INSIG2: variants seen among roughly 807,000 people sequenced by gnomAD.
INSIG2 encodes the protein insulin induced gene 2.
In INSIG2, 10 loss-of-function variants were observed where a neutral mutation model predicts 27.2. The observed-to-expected ratio is 0.37, with a 90% CI of 0.23 to 0.62. INSIG2 has a LOEUF of 0.62. INSIG2 is among the 20% of genes least tolerant of loss of function. The pLI is 0.65. For missense variants in INSIG2, 178 were observed against 270.2 expected, an observed-to-expected ratio of 0.66 and a Z score of 2.39; for synonymous variants, 97 against 95.8, an observed-to-expected ratio of 1.01 and a Z score of -0.07.
chr2:118,093,816 T>G, intron 1 of INSIG2, among the ~76,000 whole-genome samples: 1 of 118,652 alleles, frequency 8.4e-6, no homozygotes, highest in Non-Finnish European at 1.7e-5. Flanking sequence ...GAAGGAGAGT[T>G]CTGTAGCTAC....
chr2:118,106,065 A>G (rs1312809538), intron 3 of INSIG2, among the ~76,000 whole-genome samples: 1 of 152,226 alleles, frequency 6.6e-6, no homozygotes, highest in Non-Finnish European at 1.5e-5. Flanking sequence ...GTCCTATACC[A>G]GAAAGTCTCA....
chr2:118,091,067 C>T (rs1249534318), intron 1 of INSIG2, among the ~76,000 whole-genome samples: 2 of 152,084 alleles, frequency 1.3e-5, no homozygotes, highest in Non-Finnish European at 2.9e-5. Context: ...AATTTTGGAG[C>T]ATCAAGTTTA....
chr2:118,091,584 C>A (rs1238809096), intron 1 of INSIG2, among the ~76,000 whole-genome samples: 1 of 152,098 alleles, frequency 6.6e-6, no homozygotes, highest in Non-Finnish European at 1.5e-5. Context: ...GGGTCTCATA[C>A]CCCTTGGAAT....
At chr2:118,094,389 G>GATGAT (rs58844046) in intron 1 of INSIG2, among the ~76,000 whole-genome samples, 97 of 148,150 alleles carry the variant, frequency 6.5e-4, no homozygotes, top group Middle Eastern at 3.5e-3. Flanking sequence ...TGATGATGAT[G>GATGAT]GAGAGTTCTG....
chr2:118,110,036 C>T lies in INSIG2; in HGVS notation c.*1714C>T, dbSNP rs1324549913. On this transcript the variant is annotated 3_prime_UTR_variant, in exon 6 of 6. Coordinates refer to ENST00000245787, the MANE Select transcript of INSIG2 (RefSeq NM_016133.4). The stretch of plus-strand genomic sequence containing the variant: ...TGTAATTATCATCTGGGTTAAGAGT[C>T]TGTTTTTCTTCTTTGTGGTAAGTCT... 6.6e-6 allele frequency: 1 copy of T among 152,510 alleles called. No individual in the cohort carries two copies. The highest frequency in any genetic ancestry group is 1.5e-5 in the Non-Finnish European group (1 of 68,022). The allele number at this position is 152,510 out of a possible 1,614,324, so 9.4% of individuals were successfully genotyped here. A position where few individuals can be genotyped will look rare whatever the true frequency, so the allele number is the denominator to read the frequency against.
intron 1 of INSIG2, among the ~76,000 whole-genome samples, chr2:118,094,705 C>T (rs541823300): frequency 1.3e-4 from 20 of 152,172 alleles, no homozygotes; most frequent in Non-Finnish European, 2.2e-4. Flanking sequence ...TAAAAAGGCC[C>T]GTTGTCTAAG....
chr2:118,106,943 GATAA>G (rs1558837855), intron 4 of INSIG2, 40 bp downstream of exon 4: 6 of 1,601,342 alleles, frequency 3.7e-6, no homozygotes, highest in Admixed American at 1.7e-5. Context: ...TTGTTTGCTA[GATAA>G]ATAAATGATA....
chr2:118,106,800 T>C lies in INSIG2; in HGVS notation c.433T>C (p.Trp145Arg). The change falls in exon 4 of 6, where the codon TGG (tryptophan) becomes CGG (arginine). Residue 145 changes from tryptophan (W) to arginine (R), a missense_variant. Trp to Arg is a moderately radical substitution (Grantham distance 101, BLOSUM62 -3). Transcript: ENST00000245787. ...ACTGGCTGCACTATCCATTGGACTGTGGTGGACTTTTGATAGATCTAGAAG... is the reference window on the plus strand; with the variant it reads ...ACTGGCTGCACTATCCATTGGACTGCGGTGGACTTTTGATAGATCTAGAAG... ...LTLAALSIGL[W>R]WTFDRSRSGF... is the part of the protein sequence containing the mutation. 1 of 1,614,094 alleles carries C rather than the reference T, an allele frequency of 6.2e-7. No individual in the cohort carries two copies. Among genetic ancestry groups the C allele is most frequent in the Non-Finnish European group, 8.5e-7 (1 of 1,179,930 alleles).
chr2:118,110,032 G>A lies in INSIG2; in HGVS notation c.*1710G>A, dbSNP rs1678776742. ...AATATGTAATTATCATCTGGGTTAA[G>A]AGTCTGTTTTTCTTCTTTGTGGTAA... On this transcript the variant is annotated 3_prime_UTR_variant, in exon 6 of 6. Coordinates refer to ENST00000245787, the MANE Select transcript of INSIG2 (RefSeq NM_016133.4). 1 of 152,564 alleles carries A rather than the reference G, an allele frequency of 6.6e-6. No individual in the cohort carries two copies. Among genetic ancestry groups the A allele is most frequent in the African/African-American group, 2.4e-5 (1 of 41,432 alleles). 9.5% of individuals were successfully genotyped at this position (152,564 alleles called of 1,614,324 possible). A position where few individuals can be genotyped will look rare whatever the true frequency, so the allele number is the denominator to read the frequency against.
At chr2:118,101,458 C>T (rs1283805765) in intron 2 of INSIG2, among the ~76,000 whole-genome samples, 1 of 152,130 alleles carries the variant, frequency 6.6e-6, no homozygotes, top group African/African-American at 2.4e-5. Flanking sequence ...ACATACATGT[C>T]AGTATTCTCT....
At chr2:118,102,160 A>G (rs548190962) in intron 2 of INSIG2, among the ~76,000 whole-genome samples, 41 of 152,352 alleles carry the variant, frequency 2.7e-4, no homozygotes, top group African/African-American at 9.6e-4. Context: ...ATGCTTTTCA[A>G]CTGATGTGAC....
chr2:118,089,612 CTG>C (rs1678179398), intron 1 of INSIG2, among the ~76,000 whole-genome samples: 1 of 152,198 alleles, frequency 6.6e-6, no homozygotes, highest in Admixed American at 6.5e-5. Context: ...TTCCTGTTTT[CTG>C]TCTTTCATTC....
intron 2 of INSIG2, among the ~76,000 whole-genome samples, chr2:118,099,323 C>T (rs1268556571): frequency 6.6e-6 from 1 of 152,210 alleles, no homozygotes; most frequent in Non-Finnish European, 1.5e-5. Flanking sequence ...AGAATCACCA[C>T]CTTCTGTGTG....
chr2:118,100,718 T>A (rs773133145), intron 2 of INSIG2, among the ~76,000 whole-genome samples: 1 of 152,112 alleles, frequency 6.6e-6, no homozygotes, highest in Non-Finnish European at 1.5e-5. Flanking sequence ...GAACCAGACA[T>A]ATTGTCAGGG....
intron 1 of INSIG2, among the ~76,000 whole-genome samples, chr2:118,090,060 A>G (rs1678188684): frequency 6.6e-6 from 1 of 152,214 alleles, no homozygotes; most frequent in African/African-American, 2.4e-5. Context: ...GTTTTTATTT[A>G]GGGAGCATTA....
chr2:118,094,803 C>T (rs1212179699), intron 1 of INSIG2, among the ~76,000 whole-genome samples: 1 of 152,110 alleles, frequency 6.6e-6, no homozygotes, highest in African/African-American at 2.4e-5. Flanking sequence ...TAATTCAGCC[C>T]CATTCTCTGC....
intron 2 of INSIG2, among the ~76,000 whole-genome samples, chr2:118,101,101 C>T (rs1678534425): frequency 6.6e-6 from 1 of 151,766 alleles, no homozygotes; most frequent in Non-Finnish European, 1.5e-5. Flanking sequence ...AAAAAAAGTA[C>T]AAGAAGAGGA....
Position 118,110,126 on chromosome 2 carries a change from G to A in INSIG2, c.*1804G>A, listed in dbSNP as rs1461792449. The A allele has an allele frequency of 6.6e-6, 1 of 152,284 alleles. No individual in the cohort carries two copies. Among genetic ancestry groups the A allele is most frequent in the Non-Finnish European group, 1.5e-5 (1 of 68,008 alleles). The allele number at this position is 152,284 out of a possible 1,614,324, so 9.4% of individuals were successfully genotyped here. A position where few individuals can be genotyped will look rare whatever the true frequency, so the allele number is the denominator to read the frequency against. On this transcript the variant is annotated 3_prime_UTR_variant, in exon 6 of 6. Coordinates refer to ENST00000245787, the MANE Select transcript of INSIG2 (RefSeq NM_016133.4). The stretch of plus-strand genomic sequence containing the variant: ...TATGTGGTTGAAGTTACCAAGAAAC[G>A]ATGAAAAGAAACTAAATATAGTTGA...
At chr2:118,089,858 C>G (rs150997687) in intron 1 of INSIG2, among the ~76,000 whole-genome samples, 1 of 152,148 alleles carries the variant, frequency 6.6e-6, no homozygotes, top group Admixed American at 6.5e-5. Context: ...TATCTCGAAA[C>G]GATGGAGTAA....
Sources: gnomAD v4.1 joint callset for allele counts (sites outside exome capture counted in the v4.1 genomes callset) on GRCh38, gnomAD v4.1.1 for gene constraint, MANE v1.5 for transcripts, NCBI Gene and HGNC (gene_info 2026-07-23, HGNC 2026-07-21) for gene names.